Variants in DMRT1 observed in about 807,000 individuals in gnomAD.
DMRT1 encodes doublesex and mab-3 related transcription factor 1, also known as doublesex- and mab-3-related transcription factor 1.
In DMRT1, 7 loss-of-function variants were observed where a neutral mutation model predicts 32.3. The ratio of observed to expected loss-of-function variants is 0.22; its 90% CI spans 0.12 to 0.41. The LOEUF is 0.41. DMRT1 is among the 10% of genes least tolerant of loss of function. DMRT1 has a pLI of 1.00. For synonymous variants in DMRT1, 278 were observed against 206.1 expected, an observed-to-expected ratio of 1.35 and a Z score of -2.99; for missense variants, 625 against 500.5, an observed-to-expected ratio of 1.25 and a Z score of -2.37.
At chr9:851,566 CTTAGTTA>C (rs1839153676) in intron 2 of DMRT1, among the ~76,000 whole-genome samples, 1 of 152,064 alleles carries the variant, frequency 6.6e-6, no homozygotes, top group Non-Finnish European at 1.5e-5. Context: ...CTTGAAGTTT[CTTAGTTA>C]TCTCCTTTTG....
chr9:901,526 C>T (rs1817574480), intron 3 of DMRT1, among the ~76,000 whole-genome samples: 2 of 151,466 alleles, frequency 1.3e-5, no homozygotes, highest in African/African-American at 4.9e-5. Flanking sequence ...GGGGTTTCAC[C>T]ATGTTGGCCA....
chr9:884,772 C>G (rs540534218), intron 2 of DMRT1, among the ~76,000 whole-genome samples: 1 of 152,102 alleles, frequency 6.6e-6, no homozygotes, highest in Non-Finnish European at 1.5e-5. Flanking sequence ...GAGTTCGAGA[C>G]CAGCCTGGCC....
intron 4 of DMRT1, among the ~76,000 whole-genome samples, chr9:923,102 A>G (rs138521498): frequency 3.7e-4 from 57 of 152,336 alleles, no homozygotes; most frequent in Non-Finnish European, 6.6e-4. Flanking sequence ...CCAGGACTGC[A>G]TGCAAAATGG....
chr9:844,196 G>A (rs897797717), intron 1 of DMRT1, among the ~76,000 whole-genome samples: 4 of 152,198 alleles, frequency 2.6e-5, no homozygotes. Context: ...AGGTCACTTA[G>A]AATGGGAAAC....
chr9:891,681 ATT>A (rs111596773), intron 2 of DMRT1, among the ~76,000 whole-genome samples: 4,593 of 140,894 alleles, frequency 0.033, 229 homozygotes, highest in African/African-American at 0.11. Context: ...CGCCTGGCTA[ATT>A]TTTTTTTTTT....
chr9:923,458 G>T (rs532265184), intron 4 of DMRT1, among the ~76,000 whole-genome samples: 63 of 110,380 alleles, frequency 5.7e-4, no homozygotes, highest in African/African-American at 2.2e-3. Flanking sequence ...GAGGATGTTG[G>T]CTCTGTGGAG....
At chr9:847,267 G>A in intron 2 of DMRT1, 124 bp downstream of exon 2, 2 of 1,016,610 alleles carry the variant, frequency 2.0e-6, no homozygotes, top group South Asian at 1.7e-5. Flanking sequence ...ATTCTGTAGA[G>A]GATTCTCCCT....
Position 869,325 on chromosome 9 carries a change from G to A in DMRT1, c.538+22182G>A, listed in dbSNP as rs547959466. On this transcript the variant is annotated intron_variant, in intron 2 of 4. Coordinates refer to ENST00000382276, the MANE Select transcript of DMRT1 (RefSeq NM_021951.3). Reference sequence around the variant, plus strand: ...AATAAAAATGTGGCTCAAGGCATTGGCATGTTCATCTACACTTGCATTGTG... The same window carrying A: ...AATAAAAATGTGGCTCAAGGCATTGACATGTTCATCTACACTTGCATTGTG... Among the ~76,000 whole-genome samples, 12 of 152,138 alleles carry A rather than the reference G, an allele frequency of 7.9e-5. No individual in the cohort carries two copies. The South Asian group carries it at 2.5e-3, about 32-fold the overall frequency.
chr9:843,952 G>C (rs935545767), intron 1 of DMRT1, among the ~76,000 whole-genome samples: 5 of 152,114 alleles, frequency 3.3e-5, no homozygotes, highest in African/African-American at 1.2e-4. Context: ...AATACACTGG[G>C]TGTGGCAGTA....
At chr9:937,158 T>A (rs1818914611) in intron 4 of DMRT1, among the ~76,000 whole-genome samples, 1 of 152,236 alleles carries the variant, frequency 6.6e-6, no homozygotes, top group South Asian at 2.1e-4. Context: ...TTCATCCATG[T>A]TGTGGCATGT....
intron 4 of DMRT1, among the ~76,000 whole-genome samples, chr9:946,184 T>A (rs2129932559): frequency 6.6e-6 from 1 of 152,066 alleles, no homozygotes; most frequent in East Asian, 1.9e-4. Flanking sequence ...CCTTGTGCAA[T>A]TGTGCTGGTG....
intron 3 of DMRT1, among the ~76,000 whole-genome samples, chr9:905,888 T>G (rs1817757424): frequency 6.6e-6 from 1 of 152,180 alleles, no homozygotes. Flanking sequence ...TTTGCCTGAC[T>G]GCAGAGAGGC....
At chr9:907,829 ATGTGTGTGTGTGTGTG>A (rs3084903) in intron 3 of DMRT1, among the ~76,000 whole-genome samples, 2 of 149,428 alleles carry the variant, frequency 1.3e-5, no homozygotes, top group East Asian at 4.0e-4. Flanking sequence ...TAAAATATAT[ATGTGTGTGTGTGTGTG>A]TGTGTGTGTG....
At chr9:875,534 C>T (rs142342266) in intron 2 of DMRT1, among the ~76,000 whole-genome samples, 430 of 152,190 alleles carry the variant, frequency 2.8e-3, no homozygotes, top group Non-Finnish European at 3.9e-3. Context: ...TCTGGTGATC[C>T]AGATGTACAA....
At chr9:936,293 T>C (rs556285702) in intron 4 of DMRT1, among the ~76,000 whole-genome samples, 1 of 152,300 alleles carries the variant, frequency 6.6e-6, no homozygotes, top group South Asian at 2.1e-4. Context: ...TGGTAGGACA[T>C]AGATATTGCA....
chr9:855,505 G>A (rs1242722196), intron 2 of DMRT1, among the ~76,000 whole-genome samples: 1 of 152,214 alleles, frequency 6.6e-6, no homozygotes, highest in Non-Finnish European at 1.5e-5. Flanking sequence ...GGTTAAATTT[G>A]AAGCTCTATT....
Position 898,069 on chromosome 9 carries a change from C to G in DMRT1, c.822+3874C>G, listed in dbSNP as rs185641641. ...TTAGCTAATGTTGAAGGGAGAGAAACTGGATGGCTCACTTTTTAACCAGAG... is the reference window on the plus strand; with the variant it reads ...TTAGCTAATGTTGAAGGGAGAGAAAGTGGATGGCTCACTTTTTAACCAGAG... On this transcript the variant is annotated intron_variant, in intron 3 of 4. Transcript: ENST00000382276. Among the ~76,000 whole-genome samples, 26 of 152,190 alleles carry G rather than the reference C, an allele frequency of 1.7e-4. No homozygotes were observed. In the East Asian group the frequency reaches 3.5e-3, roughly 20 times the overall value.
chr9:929,355 C>A (rs1818633012), intron 4 of DMRT1, among the ~76,000 whole-genome samples: 1 of 152,090 alleles, frequency 6.6e-6, no homozygotes, highest in South Asian at 2.1e-4. Flanking sequence ...TGGACTCGAG[C>A]TCCTAGGCTC....
intron 2 of DMRT1, among the ~76,000 whole-genome samples, chr9:868,569 C>T (rs566587717): frequency 1.3e-5 from 2 of 152,238 alleles, no homozygotes; most frequent in Non-Finnish European, 2.9e-5. Flanking sequence ...GGGCACCTTT[C>T]TAAGCACAGC....
Sources: allele counts gnomAD v4.1 joint callset (sites outside exome capture counted in the v4.1 genomes callset), GRCh38; gene constraint gnomAD v4.1.1; transcripts MANE v1.5; gene names NCBI Gene and HGNC (gene_info 2026-07-23, HGNC 2026-07-21).